OPCML: variants seen among roughly 807,000 people sequenced by gnomAD.
OPCML encodes opioid-binding protein/cell adhesion molecule.
A neutral mutation model predicts 37.8 loss-of-function variants in OPCML; 13 were observed. The ratio of observed to expected loss-of-function variants is 0.34; its 90% CI spans 0.22 to 0.55. The LOEUF is 0.55. Among genes scored for constraint, OPCML ranks in the 20% least tolerant of loss-of-function variants. OPCML has a pLI of 0.91. For synonymous variants in OPCML, 176 were observed against 168.8 expected (o/e 1.04, Z -0.33); for missense variants, 341 against 435.6 (o/e 0.78, Z 1.93).
intron 1 of OPCML, among the ~76,000 whole-genome samples, chr11:133,129,560 A>T (rs1352778245): frequency 1.3e-5 from 2 of 152,190 alleles, no homozygotes; most frequent in African/African-American, 4.8e-5. Flanking sequence ...GTGCACAACA[A>T]GATACAATTC....
At chr11:132,695,589 A>G (rs1400797404) in intron 2 of OPCML, among the ~76,000 whole-genome samples, 1 of 152,206 alleles carries the variant, frequency 6.6e-6, no homozygotes, top group South Asian at 2.1e-4. Context: ...GATACATAGA[A>G]AAACAAGCTT....
rs535619714 is a variant in OPCML, at chr11:132,968,342, G to A, written c.62-25332C>T. Among the ~76,000 whole-genome samples the A allele has an allele frequency of 2.7e-4, 41 of 152,274 alleles. 2 individuals are homozygous for A. In the South Asian group the frequency reaches 7.9e-3, roughly 29 times the overall value. On this transcript the variant is annotated intron_variant, in intron 1 of 7. Coordinates refer to ENST00000524381, the MANE Select transcript of OPCML (RefSeq NM_001012393.5). ...TGGAGGCTGGAAAGTCCAAGGTTAA[G>A]AGCTACACTTAGTGAGAGCCTTCTT...
At chr11:132,587,800 C>A (rs78611427) in intron 3 of OPCML, among the ~76,000 whole-genome samples, 13,231 of 152,086 alleles carry the variant, frequency 0.087, 1,203 homozygotes, top group African/African-American at 0.22. Flanking sequence ...AACTTGGTGG[C>A]AGTACCCTGT....
At chr11:132,803,920 T>A (rs149253241) in intron 2 of OPCML, among the ~76,000 whole-genome samples, 2 of 152,352 alleles carry the variant, frequency 1.3e-5, no homozygotes, top group East Asian at 3.9e-4. Context: ...CACTATTAAC[T>A]GTTCTTATTT....
At chr11:133,293,481 G>A (rs564240730) in intron 1 of OPCML, among the ~76,000 whole-genome samples, 44 of 152,194 alleles carry the variant, frequency 2.9e-4, no homozygotes, top group African/African-American at 1.1e-3. Context: ...GAGGTGTGGG[G>A]GCCATTCAAG....
chr11:132,555,682 C>T (rs117371354), intron 3 of OPCML, among the ~76,000 whole-genome samples: 187 of 152,180 alleles, frequency 1.2e-3, no homozygotes, highest in Non-Finnish European at 1.7e-3. Context: ...TGAATGAAGG[C>T]GCGTAGACTT....
chr11:132,978,213 G>A (rs1946506217), intron 1 of OPCML, among the ~76,000 whole-genome samples: 1 of 152,212 alleles, frequency 6.6e-6, no homozygotes, highest in African/African-American at 2.4e-5. Flanking sequence ...TGAGGTAGGA[G>A]ATAAAAGGTA....
intron 1 of OPCML, among the ~76,000 whole-genome samples, chr11:133,222,107 C>G (rs966086301): frequency 1.3e-5 from 2 of 152,136 alleles, no homozygotes; most frequent in South Asian, 4.1e-4. Flanking sequence ...GTGTGCCCAG[C>G]AGGACCAGAT....
At chr11:133,254,918 A>T (rs1941261106) in intron 1 of OPCML, among the ~76,000 whole-genome samples, 1 of 152,216 alleles carries the variant, frequency 6.6e-6, no homozygotes, top group South Asian at 2.1e-4. Flanking sequence ...TGAGTTCAAA[A>T]AAAGGGAAGA....
intron 1 of OPCML, among the ~76,000 whole-genome samples, chr11:133,256,666 T>C (rs931140122): frequency 1.1e-4 from 17 of 152,366 alleles, no homozygotes; most frequent in African/African-American, 4.1e-4. Flanking sequence ...TGTGTTCTTT[T>C]TCCCATTTAC....
intron 1 of OPCML, chr11:133,117,806 A>G (rs1427879801): frequency 3.0e-6 from 3 of 984,632 alleles, no homozygotes; most frequent in African/African-American, 3.5e-5. Flanking sequence ...GAAGCAAACT[A>G]AGCTCTAACT....
intron 1 of OPCML, among the ~76,000 whole-genome samples, chr11:133,168,092 A>T (rs1269696769): frequency 6.6e-6 from 1 of 152,192 alleles, no homozygotes; most frequent in Non-Finnish European, 1.5e-5. Flanking sequence ...TGATCCAATG[A>T]TGTCCCATCT....
chr11:133,035,535 A>G lies in OPCML; in HGVS notation c.62-92525T>C, dbSNP rs1373424348. Among the ~76,000 whole-genome samples the G allele has an allele frequency of 3.9e-5, 6 of 152,088 alleles. No individual in the cohort carries two copies. The East Asian group carries it at 1.2e-3, about 29-fold the overall frequency. ...TAAAGTATTTGGCTATTCTCATATTATTTCTTCCAGTATGTGGCACAGGCT... is the reference window on the plus strand; with the variant it reads ...TAAAGTATTTGGCTATTCTCATATTGTTTCTTCCAGTATGTGGCACAGGCT... On this transcript the variant is annotated intron_variant, in intron 1 of 7. Coordinates refer to ENST00000524381, the MANE Select transcript of OPCML (RefSeq NM_001012393.5).
chr11:132,463,298 G>A (rs971810607), intron 4 of OPCML, among the ~76,000 whole-genome samples: 14 of 152,170 alleles, frequency 9.2e-5, no homozygotes, highest in Non-Finnish European at 1.8e-4. Context: ...GCACAAAATA[G>A]TGTATTAAGG....
chr11:132,562,593 T>A (rs1451403894), intron 3 of OPCML, among the ~76,000 whole-genome samples: 1 of 152,090 alleles, frequency 6.6e-6, no homozygotes, highest in East Asian at 1.9e-4. Context: ...ATAGGTTACA[T>A]CTCAAGATTA....
chr11:133,461,432 G>C lies in OPCML; in HGVS notation c.61+70832C>G, dbSNP rs114154972. ...CAACATGCAAAAATTGGTGGTTGCTGTTCTATATACTAATAGTGAACAATT... is the reference window on the plus strand; with the variant it reads ...CAACATGCAAAAATTGGTGGTTGCTCTTCTATATACTAATAGTGAACAATT... On this transcript the variant is annotated intron_variant, in intron 1 of 7. Coordinates refer to ENST00000524381, the MANE Select transcript of OPCML (RefSeq NM_001012393.5). Among the ~76,000 whole-genome samples the C allele has an allele frequency of 9.1e-3, 1,377 of 151,912 alleles. 21 individuals are homozygous for C. The highest frequency in any genetic ancestry group is 0.031 in the African/African-American group (1,294 of 41,508).
Position 132,418,253 on chromosome 11 carries a change from G to A in OPCML, c.*1940C>T, listed in dbSNP as rs1231678462. 2 of 152,192 alleles carry A rather than the reference G, an allele frequency of 1.3e-5. No homozygotes were observed. Among genetic ancestry groups the A allele is most frequent in the African/African-American group, 4.8e-5 (2 of 41,446 alleles). The allele number at this position is 152,192 out of a possible 1,614,324, so 9.4% of individuals were successfully genotyped here. On this transcript the variant is annotated 3_prime_UTR_variant, in exon 8 of 8. Transcript: ENST00000524381. ...AGGTTTTCCAACTGAGGCAGGGCAG[G>A]TCTGCGATTGATGCTGCATTCTCAT...
intron 1 of OPCML, among the ~76,000 whole-genome samples, chr11:133,319,615 G>A (rs1275466664): frequency 6.6e-6 from 1 of 152,134 alleles, no homozygotes; most frequent in Non-Finnish European, 1.5e-5. Context: ...ACCTTGTTTT[G>A]CTTTCTCTCC....
chr11:133,072,950 T>C (rs6590676), intron 1 of OPCML, among the ~76,000 whole-genome samples: 76,028 of 152,078 alleles, frequency 0.5, 21,183 homozygotes, highest in African/African-American at 0.73. Context: ...TGGAAGCAAC[T>C]CTGGGTGACT....
Sources: gnomAD v4.1 joint callset for allele counts (sites outside exome capture counted in the v4.1 genomes callset) on GRCh38, gnomAD v4.1.1 for gene constraint, MANE v1.5 for transcripts, NCBI Gene and HGNC (gene_info 2026-07-23, HGNC 2026-07-21) for gene names.